The following CDH13 variants were observed in gnomAD, a reference collection of about 807,000 sequenced individuals.
CDH13 encodes cadherin 13.
In CDH13, 24 loss-of-function variants were observed where a neutral mutation model predicts 63.8. That is an observed-to-expected ratio of 0.38 (90% CI 0.27 to 0.53). The LOEUF is 0.53. CDH13 is among the 20% of genes least tolerant of loss of function. The pLI is 0.85. For synonymous variants in CDH13, 503 were observed against 355.3 expected (o/e 1.42, Z -4.67); for missense variants, 1,049 against 903.1 (o/e 1.16, Z -2.07).
At chr16:83,558,641 C>CT (rs921916569) in intron 7 of CDH13, among the ~76,000 whole-genome samples, 6 of 151,756 alleles carry the variant, frequency 4.0e-5, no homozygotes, top group South Asian at 2.1e-4. Context: ...CTTTTTTTCC[C>CT]TTTTTTTTCA....
chr16:82,892,333 A>C (rs7187447), intron 2 of CDH13, among the ~76,000 whole-genome samples: 6,786 of 152,048 alleles, frequency 0.045, 252 homozygotes, highest in African/African-American at 0.1. Flanking sequence ...ATGCTCACAC[A>C]CTCTAGTCTT....
At chr16:83,340,315 T>TGC (rs1162231507) in intron 5 of CDH13, among the ~76,000 whole-genome samples, 1 of 151,694 alleles carries the variant, frequency 6.6e-6, no homozygotes, top group Non-Finnish European at 1.5e-5. Flanking sequence ...AGTGTGTGTG[T>TGC]GTGTGTGTGT....
At chr16:83,040,285 A>T (rs1312731646) in intron 3 of CDH13, among the ~76,000 whole-genome samples, 1 of 151,828 alleles carries the variant, frequency 6.6e-6, no homozygotes, top group Admixed American at 6.6e-5. Flanking sequence ...AATGTGATAG[A>T]TGAATATATG....
At chr16:83,408,986 C>T (rs1020107011) in intron 6 of CDH13, among the ~76,000 whole-genome samples, 7 of 152,162 alleles carry the variant, frequency 4.6e-5, no homozygotes, top group Middle Eastern at 3.4e-3. Context: ...TTTTCAGTGA[C>T]GTGGCTGAAT....
intron 2 of CDH13, among the ~76,000 whole-genome samples, chr16:82,864,601 G>C (rs1021319205): frequency 6.6e-6 from 1 of 151,982 alleles, no homozygotes; most frequent in African/African-American, 2.4e-5. Context: ...AACTGCCCCC[G>C]TAATTCAGTT....
intron 8 of CDH13, among the ~76,000 whole-genome samples, chr16:83,634,029 G>A (rs540157522): frequency 1.5e-4 from 23 of 152,166 alleles, no homozygotes; most frequent in African/African-American, 5.5e-4. Flanking sequence ...TATAACTGTA[G>A]TGCAACAATA....
rs530944316 is a variant in CDH13, at chr16:83,009,002, A to G, written c.158-23008A>G. 3.2e-4 allele frequency among the ~76,000 whole-genome samples: 48 copies of G among 152,268 alleles called. No individual in the cohort carries two copies. In the South Asian group the frequency reaches 9.6e-3, roughly 30 times the overall value. ...GGGAAGCCCCTTATAAAACCATCAG[A>G]TCTCGTGAGAACTCACTATCATGAC... On this transcript the variant is annotated intron_variant, in intron 2 of 13. Coordinates refer to ENST00000567109, the MANE Select transcript of CDH13 (RefSeq NM_001257.5).
At chr16:82,641,481 T>C (rs1315863990) in intron 1 of CDH13, among the ~76,000 whole-genome samples, 1 of 152,200 alleles carries the variant, frequency 6.6e-6, no homozygotes, top group African/African-American at 2.4e-5. Flanking sequence ...CTTCTGAATT[T>C]GGTTAAGCAC....
intron 4 of CDH13, among the ~76,000 whole-genome samples, chr16:83,147,044 C>T (rs894976240): frequency 5.3e-5 from 8 of 152,018 alleles, no homozygotes; most frequent in South Asian, 2.1e-4. Flanking sequence ...GATGAGATCA[C>T]GCCGCTGTAC....
At chr16:83,444,678 C>T (rs1364130711) in intron 6 of CDH13, among the ~76,000 whole-genome samples, 3 of 152,104 alleles carry the variant, frequency 2.0e-5, no homozygotes, top group South Asian at 2.1e-4. Context: ...TAGTAACTGG[C>T]GAGCTGGAGT....
intron 6 of CDH13, among the ~76,000 whole-genome samples, chr16:83,417,990 G>A (rs563564105): frequency 6.6e-6 from 1 of 151,856 alleles, no homozygotes; most frequent in East Asian, 1.9e-4. Context: ...TTAAAGCCCA[G>A]GGAAAATGTG....
At chr16:82,859,772 G>A (rs1046448705) in intron 2 of CDH13, 2 of 151,514 alleles carry the variant, frequency 1.3e-5, no homozygotes, top group African/African-American at 4.9e-5. Flanking sequence ...GGATTATTCT[G>A]TGAGGCTGGG....
chr16:82,703,211 A>G (rs914440001), intron 1 of CDH13, among the ~76,000 whole-genome samples: 7 of 150,986 alleles, frequency 4.6e-5, no homozygotes, highest in African/African-American at 1.7e-4. Flanking sequence ...TATACTACAC[A>G]CACACACACA....
chr16:83,284,774 A>T (rs2089267126), intron 5 of CDH13, among the ~76,000 whole-genome samples: 1 of 152,118 alleles, frequency 6.6e-6, no homozygotes, highest in Non-Finnish European at 1.5e-5. Context: ...AATAGTGTTA[A>T]TATAATACAA....
chr16:82,734,787 A>G (rs1325475416), intron 1 of CDH13, among the ~76,000 whole-genome samples: 2 of 152,032 alleles, frequency 1.3e-5, no homozygotes. Context: ...CGGTCATTGA[A>G]TATAGGTCTT....
chr16:83,188,655 G>C (rs929678810), intron 4 of CDH13, among the ~76,000 whole-genome samples: 2 of 152,134 alleles, frequency 1.3e-5, no homozygotes, highest in African/African-American at 4.8e-5. Flanking sequence ...GGAAATTTAA[G>C]CCTCCTGGAA....
At chr16:83,270,808 C>G (rs1424677384) in intron 5 of CDH13, among the ~76,000 whole-genome samples, 2 of 152,018 alleles carry the variant, frequency 1.3e-5, no homozygotes, top group Non-Finnish European at 2.9e-5. Flanking sequence ...TTGTTAGTGT[C>G]AAAGACATTT....
At chr16:82,789,055 T>C (rs1012138913) in intron 1 of CDH13, among the ~76,000 whole-genome samples, 2 of 152,198 alleles carry the variant, frequency 1.3e-5, no homozygotes, top group Non-Finnish European at 2.9e-5. Flanking sequence ...TTTCTTGTTA[T>C]ACCATAAAGA....
At position 82,880,359 on chromosome 16, in the gene CDH13, C is replaced by T. The variant is rs531874944; in HGVS notation, c.157+21886C>T. Among the ~76,000 whole-genome samples the T allele has an allele frequency of 4.6e-5, 7 of 152,158 alleles. No individual in the cohort carries two copies. The South Asian group carries it at 8.3e-4, about 18-fold the overall frequency. ...TCTCTCGTTTCACTTACATGGTACC[C>T]GCTGGGTTGATTGCTTCATATATCG... On this transcript the variant is annotated intron_variant, in intron 2 of 13. Transcript: ENST00000567109.
Sources: gnomAD v4.1 joint callset for allele counts (sites outside exome capture counted in the v4.1 genomes callset) on GRCh38, gnomAD v4.1.1 for gene constraint, MANE v1.5 for transcripts, NCBI Gene and HGNC (gene_info 2026-07-23, HGNC 2026-07-21) for gene names.